Variants in PIKFYVE observed in about 807,000 individuals in gnomAD.
The protein encoded by PIKFYVE is 1-phosphatidylinositol 3-phosphate 5-kinase.
A neutral mutation model predicts 257.9 loss-of-function variants in PIKFYVE; 122 were observed. That is an observed-to-expected ratio of 0.47 (90% CI 0.41 to 0.55). The LOEUF (loss-of-function observed/expected upper bound fraction) is 0.55, where lower values mean the gene tolerates loss of function less well. Among genes scored for constraint, PIKFYVE ranks in the 20% least tolerant of loss-of-function variants. The pLI, the probability that PIKFYVE is intolerant of heterozygous loss-of-function variation, is 0.00. For missense variants in PIKFYVE, 2,160 were observed against 2,536.6 expected (o/e 0.85, Z 3.19); for synonymous variants, 892 against 868.9 (o/e 1.03, Z -0.47).
intron 6 of PIKFYVE, among the ~76,000 whole-genome samples, chr2:208,287,684 T>G (rs966534508): frequency 6.6e-6 from 1 of 152,164 alleles, no homozygotes; most frequent in Non-Finnish European, 1.5e-5. Flanking sequence ...CACTGCAACC[T>G]CCGCCTCCCA....
Position 208,271,036 on chromosome 2 carries a change from C to CAA in PIKFYVE, c.-9-459_-9-458dup, listed in dbSNP as rs199927508. ...GGGCGACAGAGCAAGACTCCATCTC[C>CAA]AAAAAAAAAAAAAAAAAGTTGAAAT... On this transcript the variant is annotated intron_variant, in intron 1 of 41. Coordinates refer to ENST00000264380, the MANE Select transcript of PIKFYVE (RefSeq NM_015040.4). Among the ~76,000 whole-genome samples, 694 of 80,486 alleles carry CAA rather than the reference C, an allele frequency of 8.6e-3. 7 individuals carry two copies. The highest frequency in any genetic ancestry group is 0.03 in the African/African-American group (653 of 21,544). The allele number at this position is 80,486 out of a possible 152,430, so 52.8% of individuals were successfully genotyped here. A position where few individuals can be genotyped will look rare whatever the true frequency, so the allele number is the denominator to read the frequency against.
Position 208,326,047 on chromosome 2 carries a change from A to G in PIKFYVE, c.3236A>G (p.Asp1079Gly). The change falls in exon 20 of 42, where the codon GAT becomes GGT. Residue 1079 changes from aspartate (D) to glycine (G), a missense_variant. Around this residue, in one of 12 missense-constraint regions of PIKFYVE, gnomAD observed 522 missense variants for 514.6 expected, o/e 1.01. Transcript: ENST00000264380. ...TEKGMRCSTRDYFAEQVYWSP... is the reference protein window; with the variant it reads ...TEKGMRCSTRGYFAEQVYWSP... ...AAGGGGATGAGATGCTCTACCCGAGATTATTTTGCAGAGCAGGTTTACTGG... is the reference window on the plus strand; with the variant it reads ...AAGGGGATGAGATGCTCTACCCGAGGTTATTTTGCAGAGCAGGTTTACTGG... 2.5e-6 allele frequency: 4 copies of G among 1,614,114 alleles called. No individual in the cohort carries two copies. The highest frequency in any genetic ancestry group is 3.4e-6 in the Non-Finnish European group (4 of 1,180,014).
chr2:208,272,918 GTTACAA>G (rs1298192792), intron 2 of PIKFYVE, among the ~76,000 whole-genome samples: 1 of 152,056 alleles, frequency 6.6e-6, no homozygotes, highest in East Asian at 1.9e-4. Context: ...TGGTACATTT[GTTACAA>G]TTAATGAACT....
rs73983751 is a variant in PIKFYVE, at chr2:208,336,009, A to G, written c.4366-37A>G. On this transcript the variant is annotated intron_variant, in intron 26 of 41. Coordinates refer to ENST00000264380, the MANE Select transcript of PIKFYVE (RefSeq NM_015040.4). ...AGTTTCTTTTGGGGTATGTCTGTAT[A>G]GTGTCTGTCTCCTGAAGTTGTTTCT... 5,852 of 1,612,852 alleles carry G rather than the reference A, an allele frequency of 3.6e-3. 164 individuals carry two copies. The African/African-American group carries it at 0.067, about 19-fold the overall frequency.
chr2:208,298,469 C>A (rs1693266789), intron 7 of PIKFYVE, among the ~76,000 whole-genome samples, 172 bp from the exon 8 acceptor site: 1 of 152,154 alleles, frequency 6.6e-6, no homozygotes. Context: ...TTCTGGGTAT[C>A]CTTTACCAAA....
chr2:208,267,845 C>G (rs1302555973), intron 1 of PIKFYVE, among the ~76,000 whole-genome samples: 1 of 151,332 alleles, frequency 6.6e-6, no homozygotes, highest in African/African-American at 2.4e-5. Context: ...GTGGTGTGAT[C>G]TCGGCTTACT....
chr2:208,302,396 A>G (rs1329001116), intron 10 of PIKFYVE, 43 bp downstream of exon 10: 3 of 1,487,058 alleles, frequency 2.0e-6, no homozygotes, highest in Non-Finnish European at 2.8e-6. Flanking sequence ...TAGCAAGCTT[A>G]TTTTATAGTC....
intron 5 of PIKFYVE, among the ~76,000 whole-genome samples, chr2:208,280,693 G>A (rs1476314432): frequency 6.6e-6 from 1 of 152,200 alleles, no homozygotes; most frequent in Non-Finnish European, 1.5e-5. Flanking sequence ...AGTGGCTCAA[G>A]TCTGGGAATT....
At chr2:208,341,429 C>T (rs1301670375) in intron 31 of PIKFYVE, among the ~76,000 whole-genome samples, 3 of 152,076 alleles carry the variant, frequency 2.0e-5, no homozygotes, top group Admixed American at 6.5e-5. Flanking sequence ...AGACCTTCCC[C>T]CTTACCTCCT....
chr2:208,325,230 A>T, intron 19 of PIKFYVE, 40 bp from the exon 20 acceptor site: 1 of 1,596,024 alleles, frequency 6.3e-7, no homozygotes, highest in Non-Finnish European at 8.6e-7. Flanking sequence ...CTGGATTGCC[A>T]CCTCCACCAT....
chr2:208,329,810 C>CT (rs1297685748), intron 21 of PIKFYVE, 32 bp from the exon 22 acceptor site: 1 of 1,607,826 alleles, frequency 6.2e-7, no homozygotes. Flanking sequence ...CATGGTAATT[C>CT]TTATGTTTCT....
chr2:208,302,807 C>T (rs1037072370), intron 10 of PIKFYVE, among the ~76,000 whole-genome samples: 9 of 152,012 alleles, frequency 5.9e-5, no homozygotes, highest in East Asian at 1.9e-4. Context: ...TGGCTGGGTA[C>T]GGTGGCTCAC....
At position 208,325,383 on chromosome 2, in the gene PIKFYVE, T is replaced by C. The variant is rs1696803774; in HGVS notation, c.2572T>C (p.Phe858Leu). ...GGCTCGAGTTAAGGAGATCCTAATA[T>C]TTATGATCTGTGTTGCTTATCATTC... Reference protein sequence around the residue: ...ELARVKEILIFMICVAYHSQL... With the variant: ...ELARVKEILILMICVAYHSQL... The change falls in exon 20 of 42, where the codon TTT becomes CTT. Residue 858 changes from phenylalanine to leucine, a missense_variant. Physicochemically the swap from Phe to Leu is conservative, Grantham distance 22. Around this residue, in one of 12 missense-constraint regions of PIKFYVE, gnomAD observed 522 missense variants for 514.6 expected, o/e 1.01. Coordinates refer to ENST00000264380, the MANE Select transcript of PIKFYVE (RefSeq NM_015040.4). 6.2e-7 allele frequency: 1 copy of C among 1,613,868 alleles called. No individual in the cohort carries two copies. Among genetic ancestry groups the C allele is most frequent in the Non-Finnish European group, 8.5e-7 (1 of 1,179,746 alleles).
At chr2:208,342,477 A>T in intron 31 of PIKFYVE, 77 bp from the exon 32 acceptor site, 1 of 1,062,928 alleles carries the variant, frequency 9.4e-7, no homozygotes, top group Non-Finnish European at 1.5e-6. Flanking sequence ...TCATATCTGC[A>T]TACATTTTGG....
Position 208,325,669 on chromosome 2 carries a change from T to C in PIKFYVE, c.2858T>C (p.Val953Ala), listed in dbSNP as rs759554327. ...NKNLPQAVAS[V>A]KHQEHSTTAC... ...AATCTTCCGCAGGCTGTTGCCTCTG[T>C]GAAGCATCAAGAACATAGCACAACA... The change falls in exon 20 of 42, where the codon GTG (valine) becomes GCG (alanine). Residue 953 changes from valine (V) to alanine (A), a missense_variant. This residue lies in a region of PIKFYVE where 522 missense variants were observed against 514.6 expected (regional missense o/e 1.01). Coordinates refer to ENST00000264380, the MANE Select transcript of PIKFYVE (RefSeq NM_015040.4). 5 of 1,614,146 alleles carry C rather than the reference T, an allele frequency of 3.1e-6. No individual in the cohort carries two copies. The highest frequency in any genetic ancestry group is 3.4e-6 in the Non-Finnish European group (4 of 1,180,030).
chr2:208,298,552 G>A lies in PIKFYVE; in HGVS notation c.912-89G>A, dbSNP rs58338287. 6.9e-4 allele frequency: 966 copies of A among 1,407,472 alleles called. 5 individuals are homozygous for A. In the African/African-American group the frequency reaches 0.013, roughly 18 times the overall value. 87.2% of individuals were successfully genotyped at this position (1,407,472 alleles called of 1,614,324 possible). Reference sequence around the variant, plus strand: ...AAGTACCCTTAACATTGGTAAATAAGCATTTATTTAAAAATGAATTTTCTC... The same window carrying A: ...AAGTACCCTTAACATTGGTAAATAAACATTTATTTAAAAATGAATTTTCTC... On this transcript the variant is annotated intron_variant, in intron 7 of 41. Transcript: ENST00000264380.
At chr2:208,297,709 T>C (rs1244988174) in intron 7 of PIKFYVE, among the ~76,000 whole-genome samples, 1 of 152,220 alleles carries the variant, frequency 6.6e-6, no homozygotes, top group Non-Finnish European at 1.5e-5. Flanking sequence ...ATATGTAGTC[T>C]AACATATCAT....
chr2:208,312,349 A>G (rs1695027440), intron 13 of PIKFYVE, 54 bp downstream of exon 13: 1 of 1,382,142 alleles, frequency 7.2e-7, no homozygotes, highest in Non-Finnish European at 1.0e-6. Flanking sequence ...TCATGAGGAT[A>G]TACTTAGGGC....
Position 208,355,688 on chromosome 2 carries a change from A to G in PIKFYVE, c.*383A>G, listed in dbSNP as rs572665258. On this transcript the variant is annotated 3_prime_UTR_variant, in exon 42 of 42. Coordinates refer to ENST00000264380, the MANE Select transcript of PIKFYVE (RefSeq NM_015040.4). ...ATCCTGGCATCACATTTAACATGTT[A>G]TCTACTTAGAAAGCATTTGTAGAGC... 1 of 169,338 alleles carries G rather than the reference A, an allele frequency of 5.9e-6. No homozygotes were observed. The highest frequency in any genetic ancestry group is 1.5e-4 in the South Asian group (1 of 6,604). 10.5% of individuals were successfully genotyped at this position (169,338 alleles called of 1,614,324 possible). A position where few individuals can be genotyped will look rare whatever the true frequency, so the allele number is the denominator to read the frequency against.
Sources: allele counts gnomAD v4.1 joint callset (sites outside exome capture counted in the v4.1 genomes callset), GRCh38; gene constraint gnomAD v4.1.1; regional missense constraint gnomAD v4.1.1; transcripts MANE v1.5; gene names NCBI Gene and HGNC (gene_info 2026-07-23, HGNC 2026-07-21).